Variants in TRPM3 observed in about 807,000 individuals in gnomAD.
The protein encoded by TRPM3 is long transient receptor potential channel 3.
Under a neutral mutation model 181.2 loss-of-function variants are expected in TRPM3, and 77 were observed. The observed-to-expected ratio is 0.42, with a 90% CI of 0.35 to 0.51. TRPM3 has a LOEUF of 0.51. Ranked by LOEUF, TRPM3 falls within the 20% of genes least tolerant of loss-of-function variation. The pLI is 0.01. For synonymous variants in TRPM3, 745 were observed against 796.4 expected (o/e 0.94, Z 1.09); for missense variants, 1,759 against 2,196.7 (o/e 0.80, Z 3.98).
At chr9:71,054,181 C>T (rs2133221575) in intron 1 of TRPM3, among the ~76,000 whole-genome samples, 1 of 152,154 alleles carries the variant, frequency 6.6e-6, no homozygotes, top group East Asian at 1.9e-4. Context: ...GAACTTGGTC[C>T]AAAGAGGAAG....
intron 5 of TRPM3, among the ~76,000 whole-genome samples, chr9:70,831,992 T>TATATATATATATAA (rs2093961227): frequency 8.5e-6 from 1 of 118,094 alleles, no homozygotes; most frequent in Non-Finnish European, 1.7e-5. Flanking sequence ...TATATATATA[T>TATATATATATATAA]ATATACCTAC....
At chr9:71,075,595 A>G (rs1265656954) in intron 1 of TRPM3, among the ~76,000 whole-genome samples, 1 of 152,200 alleles carries the variant, frequency 6.6e-6, no homozygotes, top group Non-Finnish European at 1.5e-5. Context: ...AAAAACCTAT[A>G]AACATTTGCA....
chr9:70,844,266 C>T (rs2094845880), intron 4 of TRPM3, among the ~76,000 whole-genome samples: 1 of 152,114 alleles, frequency 6.6e-6, no homozygotes. Flanking sequence ...TAACTCAATA[C>T]TGAAATATTC....
chr9:70,626,418 C>T (rs1274006608), intron 12 of TRPM3, among the ~76,000 whole-genome samples: 1 of 152,156 alleles, frequency 6.6e-6, no homozygotes, highest in African/African-American at 2.4e-5. Context: ...ACACAAGGGG[C>T]TCCATCCACT....
At chr9:70,984,865 C>A (rs2097403174) in intron 1 of TRPM3, among the ~76,000 whole-genome samples, 1 of 152,190 alleles carries the variant, frequency 6.6e-6, no homozygotes, top group Non-Finnish European at 1.5e-5. Flanking sequence ...GGTAATTTGT[C>A]TAGCAGCAAT....
rs534489734 is a variant in TRPM3 at position 70,810,485 on chromosome 9, G to A, written c.973+17362C>T. Among the ~76,000 whole-genome samples, 13 of 151,874 alleles carry A rather than the reference G, an allele frequency of 8.6e-5. No individual in the cohort carries two copies. In the South Asian group the frequency reaches 1.7e-3, roughly 19 times the overall value. On this transcript the variant is annotated intron_variant, in intron 6 of 25. Transcript: ENST00000677713. Reference sequence around the variant, plus strand: ...CCACGCTCCTCTCCAGCACCCTGTTGTATTTCTTCCTAATATTGTTTCTCC... The same window carrying A: ...CCACGCTCCTCTCCAGCACCCTGTTATATTTCTTCCTAATATTGTTTCTCC...
At chr9:70,953,249 G>GT (rs2097024570) in intron 1 of TRPM3, among the ~76,000 whole-genome samples, 1 of 152,150 alleles carries the variant, frequency 6.6e-6, no homozygotes, top group South Asian at 2.1e-4. Context: ...TTTTTCCACA[G>GT]TTACTTAACC....
At chr9:70,839,349 G>A (rs2094507163) in intron 5 of TRPM3, among the ~76,000 whole-genome samples, 1 of 152,124 alleles carries the variant, frequency 6.6e-6, no homozygotes, top group Non-Finnish European at 1.5e-5. Context: ...CTGAAGGGAG[G>A]TGAGTGTTTC....
chr9:71,230,563 A>G (rs1375742383), intron 1 of TRPM3, among the ~76,000 whole-genome samples: 3 of 152,182 alleles, frequency 2.0e-5, no homozygotes, highest in Admixed American at 2.0e-4. Context: ...TGTATTGAAT[A>G]TCCCTATACC....
chr9:71,381,725 G>A (rs2092805431), intron 1 of TRPM3, among the ~76,000 whole-genome samples: 1 of 152,082 alleles, frequency 6.6e-6, no homozygotes, highest in African/African-American at 2.4e-5. Flanking sequence ...GATTGGAATG[G>A]GAGTATGTCT....
rs141792545 is a variant in TRPM3 at position 71,382,985 on chromosome 9, C to T, written c.183+63668G>A. On this transcript the variant is annotated intron_variant, in intron 1 of 24. Transcript: ENST00000357533. ...ATTCTTTAGCTTACTCTGTATAAGC[C>T]CAAAACAATATTGTATGCTCTAGGC... 9.8e-4 allele frequency among the ~76,000 whole-genome samples: 149 copies of T among 151,884 alleles called. 1 individual carries two copies. The highest frequency in any genetic ancestry group is 3.5e-3 in the African/African-American group (143 of 41,438).
At chr9:71,265,663 T>C (rs897067188) in intron 1 of TRPM3, among the ~76,000 whole-genome samples, 1 of 152,214 alleles carries the variant, frequency 6.6e-6, no homozygotes, top group African/African-American at 2.4e-5. Flanking sequence ...TCCTCCATGA[T>C]AGACAGCTTA....
intron 1 of TRPM3, among the ~76,000 whole-genome samples, chr9:70,947,711 G>GT (rs1428492764): frequency 2.6e-5 from 4 of 152,132 alleles, no homozygotes; most frequent in Admixed American, 2.0e-4. Flanking sequence ...ACCATTTTTA[G>GT]TGACAGCAAC....
chr9:70,536,704 C>A lies in TRPM3; in HGVS notation c.4409G>T (p.Ser1470Ile). 1 of 1,614,142 alleles carries A rather than the reference C, an allele frequency of 6.2e-7. No homozygotes were observed. The highest frequency in any genetic ancestry group is 8.5e-7 in the Non-Finnish European group (1 of 1,180,028). The stretch of plus-strand genomic sequence containing the variant: ...GGAGGTGATGTCCTCAAAATCAATG[C>A]TCCGGCTTGGAGGTCTGTCTGTGGG... The part of the protein sequence containing the change: ...LAPTDRPPSR[S>I]IDFEDITSMD... Residue 1470 changes from serine (S) to isoleucine (I), a missense_variant, in exon 26 of 26, where the codon AGC becomes ATC. Physicochemically the swap from Ser to Ile is moderately radical, Grantham distance 142 (BLOSUM62 -2). Coordinates refer to ENST00000677713, the MANE Select transcript of TRPM3 (RefSeq NM_001366145.2).
chr9:71,420,626 A>T (rs543991276), intron 1 of TRPM3, among the ~76,000 whole-genome samples: 1 of 144,096 alleles, frequency 6.9e-6, no homozygotes, highest in African/African-American at 2.6e-5. Flanking sequence ...AGACAGAAAA[A>T]GAAAAAGAAA....
In TRPM3 at chr9:70,534,022, T is replaced by C. The variant is rs1402231640; in HGVS notation, c.*1931A>G. The C allele has an allele frequency of 6.6e-6, 1 of 152,180 alleles. No individual in the cohort carries two copies. Among genetic ancestry groups the C allele is most frequent in the Non-Finnish European group, 1.5e-5 (1 of 68,030 alleles). 9.4% of individuals were successfully genotyped at this position (152,180 alleles called of 1,614,324 possible). A position where few individuals can be genotyped will look rare whatever the true frequency, so the allele number is the denominator to read the frequency against. On this transcript the variant is annotated 3_prime_UTR_variant, in exon 26 of 26. Coordinates refer to ENST00000677713, the MANE Select transcript of TRPM3 (RefSeq NM_001366145.2). ...AGGTAGTATCTCAGGCCAGGAACAA[T>C]AGATTGTTTTCCTTAAAGGCTTTAT...
chr9:70,959,737 T>C (rs772045335), intron 1 of TRPM3, among the ~76,000 whole-genome samples: 5 of 152,180 alleles, frequency 3.3e-5, no homozygotes, highest in South Asian at 2.1e-4. Context: ...TTCCGCACCA[T>C]TTTGCCTTGG....
intron 24 of TRPM3, among the ~76,000 whole-genome samples, chr9:70,551,525 G>C (rs2046448223): frequency 6.6e-6 from 1 of 152,184 alleles, no homozygotes; most frequent in African/African-American, 2.4e-5. Context: ...CCTTCTTTGA[G>C]GGGGTGGGCA....
intron 1 of TRPM3, among the ~76,000 whole-genome samples, chr9:71,353,194 T>C (rs977445455): frequency 2.0e-5 from 3 of 152,048 alleles, no homozygotes; most frequent in South Asian, 2.1e-4. Context: ...CACCCTCACA[T>C]GTTCTGACTA....
Sources: gnomAD v4.1 joint callset for allele counts (sites outside exome capture counted in the v4.1 genomes callset) on GRCh38, gnomAD v4.1.1 for gene constraint, MANE v1.5 for transcripts, NCBI Gene and HGNC (gene_info 2026-07-23, HGNC 2026-07-21) for gene names.